The following SCAMP1 variants were observed in gnomAD, a reference collection of about 807,000 sequenced individuals.
The protein encoded by SCAMP1 is secretory carrier-associated membrane protein 1.
Under a neutral mutation model 41.8 loss-of-function variants are expected in SCAMP1, and 15 were observed. The ratio of observed to expected loss-of-function variants is 0.36; its 90% CI spans 0.24 to 0.55. SCAMP1 has a LOEUF of 0.55. Ranked by LOEUF, SCAMP1 falls within the 20% of genes least tolerant of loss-of-function variation. The pLI is 0.86. For missense variants in SCAMP1, 341 were observed against 412.6 expected (o/e 0.83, Z 1.50); for synonymous variants, 135 against 136.8 (o/e 0.99, Z 0.09).
chr5:78,392,322 GT>G (rs1751540317), intron 2 of SCAMP1, among the ~76,000 whole-genome samples: 1 of 152,154 alleles, frequency 6.6e-6, no homozygotes, highest in Non-Finnish European at 1.5e-5. Context: ...TGAGACACAG[GT>G]CAGCTAGCAA....
intron 2 of SCAMP1, among the ~76,000 whole-genome samples, chr5:78,399,402 T>G (rs1047846674): frequency 6.6e-6 from 1 of 152,214 alleles, no homozygotes; most frequent in Non-Finnish European, 1.5e-5. Context: ...CCAAACTATC[T>G]TTCAAAGTCT....
intron 2 of SCAMP1, among the ~76,000 whole-genome samples, chr5:78,403,773 C>T (rs956718871): frequency 6.6e-6 from 1 of 151,266 alleles, no homozygotes; most frequent in African/African-American, 2.5e-5. Flanking sequence ...TGATACCAGC[C>T]TGGCCAACAT....
At chr5:78,475,465 T>C in intron 8 of SCAMP1, 39 bp from the exon 9 acceptor site, 1 of 1,483,860 alleles carries the variant, frequency 6.7e-7, no homozygotes, top group Non-Finnish European at 9.0e-7. Context: ...AATGCGTAGG[T>C]TGCTACTTAC....
rs76118139 is a variant in SCAMP1 at position 78,418,961 on chromosome 5, C to T, written c.472+58C>T. On this transcript the variant is annotated intron_variant, in intron 5 of 8. Transcript: ENST00000621999. ...AATTTGTATTTTTGTTGTCAAAATC[C>T]GCATTTTTATTTCAAGGATAGTATA... The T allele has an allele frequency of 9.0e-4, 1,293 of 1,430,276 alleles. 10 individuals are homozygous for T. The African/African-American group carries it at 0.017, about 19-fold the overall frequency. 88.6% of individuals were successfully genotyped at this position (1,430,276 alleles called of 1,614,324 possible).
intron 7 of SCAMP1, among the ~76,000 whole-genome samples, chr5:78,453,667 G>A (rs974608359): frequency 4.0e-4 from 61 of 152,198 alleles, no homozygotes; most frequent in African/African-American, 1.2e-3. Flanking sequence ...TTGGCGATGC[G>A]GGCTCTTTTT....
At chr5:78,386,938 A>G (rs1459211850) in intron 1 of SCAMP1, among the ~76,000 whole-genome samples, 1 of 152,114 alleles carries the variant, frequency 6.6e-6, no homozygotes, top group Non-Finnish European at 1.5e-5. Context: ...TGCCTAGGTG[A>G]TGATCTTTTT....
intron 1 of SCAMP1, among the ~76,000 whole-genome samples, chr5:78,366,041 A>G (rs930669346): frequency 6.6e-6 from 1 of 152,188 alleles, no homozygotes; most frequent in African/African-American, 2.4e-5. Flanking sequence ...TCAAGGTCCC[A>G]GCAGATTCAG....
chr5:78,405,188 T>G (rs1171942239), intron 2 of SCAMP1, among the ~76,000 whole-genome samples: 3 of 152,222 alleles, frequency 2.0e-5, no homozygotes, highest in Non-Finnish European at 4.4e-5. Flanking sequence ...GAGTGGTAAA[T>G]TCTAAACTCC....
chr5:78,461,672 C>CGA (rs1313559053), intron 8 of SCAMP1, among the ~76,000 whole-genome samples: 2 of 152,164 alleles, frequency 1.3e-5, no homozygotes, highest in Non-Finnish European at 2.9e-5. Flanking sequence ...AAGTGATTCT[C>CGA]ATGCCTCAGA....
At position 78,415,633 on chromosome 5, in the gene SCAMP1, G is replaced by A. The variant is rs1423114377; in HGVS notation, c.234+15G>A. The A allele has an allele frequency of 1.3e-6, 2 of 1,493,352 alleles. No homozygotes were observed. Among genetic ancestry groups the A allele is most frequent in the South Asian group, 1.2e-5 (1 of 83,182 alleles). The allele number at this position is 1,493,352 out of a possible 1,614,324, so 92.5% of individuals were successfully genotyped here. A position where few individuals can be genotyped will look rare whatever the true frequency, so the allele number is the denominator to read the frequency against. On this transcript the variant is annotated intron_variant, in intron 3 of 8. Transcript: ENST00000621999. ...AGATTGCAAAGGTTAGTTCATGTTAGTTGTATAAATTCATATTGGCCATTA... is the reference window on the plus strand; with the variant it reads ...AGATTGCAAAGGTTAGTTCATGTTAATTGTATAAATTCATATTGGCCATTA...
chr5:78,373,447 A>G (rs989995858), intron 1 of SCAMP1, among the ~76,000 whole-genome samples: 10 of 152,096 alleles, frequency 6.6e-5, no homozygotes, highest in African/African-American at 2.4e-4. Context: ...AAGCATCCCT[A>G]GCTGTAGGAA....
At chr5:78,411,996 C>T (rs1304484893) in intron 2 of SCAMP1, among the ~76,000 whole-genome samples, 1 of 152,000 alleles carries the variant, frequency 6.6e-6, no homozygotes, top group African/African-American at 2.4e-5. Context: ...TCTTTGATTA[C>T]TAATGAGGTT....
intron 6 of SCAMP1, among the ~76,000 whole-genome samples, chr5:78,448,558 C>G (rs1398682469): frequency 1.3e-5 from 2 of 151,966 alleles, no homozygotes; most frequent in Non-Finnish European, 2.9e-5. Flanking sequence ...AGATGCTCAA[C>G]AACATTACTT....
chr5:78,364,435 T>TG (rs1050331437), intron 1 of SCAMP1, among the ~76,000 whole-genome samples: 9 of 152,032 alleles, frequency 5.9e-5, no homozygotes, highest in African/African-American at 1.2e-4. Flanking sequence ...ATTTCACAGC[T>TG]GGGGGGGCAA....
intron 5 of SCAMP1, among the ~76,000 whole-genome samples, chr5:78,420,297 C>CT: frequency 6.6e-6 from 1 of 152,264 alleles, no homozygotes; most frequent in East Asian, 1.9e-4. Context: ...TTTTATCTTT[C>CT]TTTCAGTGGA....
chr5:78,436,034 G>A (rs554652782), intron 6 of SCAMP1, among the ~76,000 whole-genome samples: 1 of 152,304 alleles, frequency 6.6e-6, no homozygotes, highest in Non-Finnish European at 1.5e-5. Context: ...CTTTTGAAAA[G>A]TGTCTGTCCA....
intron 2 of SCAMP1, among the ~76,000 whole-genome samples, chr5:78,414,536 C>T (rs1388231288): frequency 6.6e-6 from 1 of 152,154 alleles, no homozygotes; most frequent in Non-Finnish European, 1.5e-5. Flanking sequence ...TTGCCTCGGC[C>T]TCCCAAAGTA....
intron 1 of SCAMP1, among the ~76,000 whole-genome samples, chr5:78,365,840 T>C (rs1022611758): frequency 6.6e-6 from 1 of 152,246 alleles, no homozygotes. Flanking sequence ...ATGTTATCTT[T>C]TAAGTTACAG....
intron 8 of SCAMP1, among the ~76,000 whole-genome samples, chr5:78,462,590 C>T (rs776394760): frequency 8.5e-5 from 13 of 152,076 alleles, no homozygotes; most frequent in East Asian, 1.9e-4. Context: ...TCCCAAAGTT[C>T]GGGATTACAG....
Sources: allele counts gnomAD v4.1 joint callset (sites outside exome capture counted in the v4.1 genomes callset), GRCh38; gene constraint gnomAD v4.1.1; transcripts MANE v1.5; gene names NCBI Gene and HGNC (gene_info 2026-07-23, HGNC 2026-07-21).